Variants in UBR2 observed in about 807,000 individuals in gnomAD.
UBR2 encodes E3 ubiquitin-protein ligase UBR2.
A neutral mutation model predicts 247.9 loss-of-function variants in UBR2; 92 were observed. The observed-to-expected ratio is 0.37, with a 90% CI of 0.31 to 0.44. The LOEUF (loss-of-function observed/expected upper bound fraction) is 0.44. Among genes scored for constraint, UBR2 ranks in the 20% least tolerant of loss-of-function variants. UBR2 has a pLI of 1.00. For missense variants in UBR2, 1,613 were observed against 2,112.6 expected (o/e 0.76, Z 4.64); for synonymous variants, 672 against 693.5 (o/e 0.97, Z 0.49).
At chr6:42,630,996 A>G (rs931556307) in intron 11 of UBR2, among the ~76,000 whole-genome samples, 5 of 152,034 alleles carry the variant, frequency 3.3e-5, no homozygotes, top group Admixed American at 1.3e-4. Flanking sequence ...TTATAGAGAC[A>G]GGGTTTCACT....
chr6:42,614,195 A>T (rs868841634), intron 8 of UBR2, among the ~76,000 whole-genome samples: 37,734 of 86,048 alleles, frequency 0.44, 9,429 homozygotes, highest in South Asian at 0.52. Flanking sequence ...AAAAAAAAAA[A>T]AAAAAAAAAA....
In UBR2 at chr6:42,564,095, G is replaced by A. The variant is rs1253332251; in HGVS notation, c.-225G>A. 3 of 556,532 alleles carry A rather than the reference G, an allele frequency of 5.4e-6. No homozygotes were observed. The highest frequency in any genetic ancestry group is 9.4e-6 in the Non-Finnish European group (3 of 319,782). The allele number at this position is 556,532 out of a possible 1,614,324, so 34.5% of individuals were successfully genotyped here. On this transcript the variant is annotated 5_prime_UTR_variant, in exon 1 of 47. It adds an upstream start codon to the 5' untranslated region. Coordinates refer to ENST00000372901, the MANE Select transcript of UBR2 (RefSeq NM_001363705.2). ...CCTTCCCTGGGTCAGGGACGAGCCA[G>A]TGACTTGACTCTTGGGCGCTAAGCT...
chr6:42,678,425 A>G, intron 40 of UBR2, 114 bp from the exon 41 acceptor site: 3 of 1,207,436 alleles, frequency 2.5e-6, no homozygotes, highest in Non-Finnish European at 3.4e-6. Context: ...TTAACTCACA[A>G]CTTTTAAGCA....
intron 11 of UBR2, among the ~76,000 whole-genome samples, chr6:42,627,640 A>G (rs1795438262): frequency 6.6e-6 from 1 of 151,088 alleles, no homozygotes; most frequent in African/African-American, 2.4e-5. Context: ...TGGGACTACA[A>G]GTGTGCGCCA....
chr6:42,622,852 T>G (rs919704692), intron 11 of UBR2, among the ~76,000 whole-genome samples: 10 of 151,908 alleles, frequency 6.6e-5, no homozygotes, highest in Non-Finnish European at 1.5e-4. Flanking sequence ...TTTTTTTTTT[T>G]TTAAGATGGG....
At chr6:42,586,218 C>G (rs1249942193) in intron 2 of UBR2, among the ~76,000 whole-genome samples, 1 of 150,542 alleles carries the variant, frequency 6.6e-6, no homozygotes, top group Non-Finnish European at 1.5e-5. Flanking sequence ...AAAAAAAATA[C>G]AAAAATTAGC....
chr6:42,688,958 A>G (rs1048861539), intron 45 of UBR2, among the ~76,000 whole-genome samples: 1 of 152,260 alleles, frequency 6.6e-6, no homozygotes, highest in Non-Finnish European at 1.5e-5. Context: ...AATGGCAGCT[A>G]TGGAGCTAAA....
chr6:42,565,133 A>C (rs576099921), intron 1 of UBR2, among the ~76,000 whole-genome samples: 16 of 152,350 alleles, frequency 1.1e-4, no homozygotes, highest in Non-Finnish European at 8.8e-5. Context: ...TAAACGTGAG[A>C]ACTGGTCACA....
intron 21 of UBR2, among the ~76,000 whole-genome samples, chr6:42,647,353 G>A (rs1796827486): frequency 6.6e-6 from 1 of 151,186 alleles, no homozygotes; most frequent in Non-Finnish European, 1.5e-5. Flanking sequence ...AGACCAAGGT[G>A]GGCGGATCAG....
chr6:42,660,546 C>T (rs141014598), intron 30 of UBR2, among the ~76,000 whole-genome samples: 37 of 152,248 alleles, frequency 2.4e-4, no homozygotes, highest in Non-Finnish European at 5.1e-4. Context: ...ACTGCTTTAA[C>T]CAGTGCCTTT....
At chr6:42,578,748 GGTT>G (rs1791679530) in intron 2 of UBR2, among the ~76,000 whole-genome samples, 1 of 151,892 alleles carries the variant, frequency 6.6e-6, no homozygotes, top group Non-Finnish European at 1.5e-5. Context: ...CATGAAGAGG[GGTT>G]GTTCTTTCAG....
At chr6:42,603,953 A>G (rs1209888614) in intron 5 of UBR2, among the ~76,000 whole-genome samples, 2 of 152,112 alleles carry the variant, frequency 1.3e-5, no homozygotes, top group Admixed American at 1.3e-4. Context: ...TAGCTCTAGG[A>G]CTGGTTTCAG....
At chr6:42,658,880 C>A in intron 29 of UBR2, 56 bp downstream of exon 29, 1 of 1,471,650 alleles carries the variant, frequency 6.8e-7, no homozygotes, top group Non-Finnish European at 9.0e-7. Context: ...CAACTAGGGG[C>A]AGTGTTGCGT....
Position 42,645,549 on chromosome 6 carries a change from C to T in UBR2, c.2368C>T (p.Pro790Ser). 6.2e-7 allele frequency: 1 copy of T among 1,613,780 alleles called. No individual in the cohort carries two copies. The highest frequency in any genetic ancestry group is 8.5e-7 in the Non-Finnish European group (1 of 1,179,818). ...REIIHQLSIK[P>S]MAHSELVKSL... ...GATTATCCATCAGTTGAGTATCAAGCCTATGGCTCATAGTGAATTGGTAAA... is the reference window on the plus strand; with the variant it reads ...GATTATCCATCAGTTGAGTATCAAGTCTATGGCTCATAGTGAATTGGTAAA... The change falls in exon 21 of 47, where the codon CCT (proline) becomes TCT (serine). Residue 790 changes from proline (P) to serine (S), a missense_variant. Pro to Ser is a moderately conservative substitution (Grantham distance 74, BLOSUM62 -1). Around this residue, in one of 3 missense-constraint regions of UBR2, gnomAD observed 1,524 missense variants for 1,967.3 expected, o/e 0.77. Transcript: ENST00000372901.
Position 42,652,070 on chromosome 6 carries a change from A to G in UBR2, c.2613A>G (p.Thr871=), listed in dbSNP as rs772508330. 11 of 1,582,316 alleles carry G rather than the reference A, an allele frequency of 7.0e-6. No individual in the cohort carries two copies. Among genetic ancestry groups the G allele is most frequent in the Non-Finnish European group, 9.4e-6 (11 of 1,169,004 alleles). The part of the protein sequence containing the change: ...RKLKRQNRED[T]ALPPPVLPPF... Reference sequence around the variant, plus strand: ...TGAAAAGACAAAATAGAGAAGATACAGGTATTTTTAATCTTTCTGAAAATG... The same window carrying G: ...TGAAAAGACAAAATAGAGAAGATACGGGTATTTTTAATCTTTCTGAAAATG... Residue 871 remains threonine (T), a splice_region_variant and synonymous_variant, in exon 24 of 47, where the codon ACA becomes ACG. Transcript: ENST00000372901.
chr6:42,566,288 G>T (rs562966862), intron 1 of UBR2, among the ~76,000 whole-genome samples: 1 of 152,238 alleles, frequency 6.6e-6, no homozygotes, highest in South Asian at 2.1e-4. Context: ...AGCAGATGCA[G>T]TAAGGAAAAA....
rs1794631859 is a variant in UBR2, at chr6:42,617,435, T to C, written c.1209T>C (p.Tyr403=). ...ACTATGAGCGTTTGCAGAGTGATTATGTGACAGATGACCACGACAGAGAGT... is the reference window on the plus strand; with the variant it reads ...ACTATGAGCGTTTGCAGAGTGATTACGTGACAGATGACCACGACAGAGAGT... The part of the protein sequence containing the change: ...AKNYERLQSD[Y]VTDDHDREFS... The change falls in exon 11 of 47, where the codon TAT becomes TAC. Residue 403 remains tyrosine (Y), a synonymous_variant. Coordinates refer to ENST00000372901, the MANE Select transcript of UBR2 (RefSeq NM_001363705.2). The C allele has an allele frequency of 6.3e-7, 1 of 1,581,526 alleles. No individual in the cohort carries two copies. Among genetic ancestry groups the C allele is most frequent in the Non-Finnish European group, 8.6e-7 (1 of 1,162,958 alleles).
At chr6:42,677,469 A>G (rs1050051446) in intron 40 of UBR2, among the ~76,000 whole-genome samples, 2 of 152,192 alleles carry the variant, frequency 1.3e-5, no homozygotes, top group South Asian at 2.1e-4. Flanking sequence ...GAAAAAAAAC[A>G]TATAGGCATA....
Position 42,592,164 on chromosome 6 carries a change from G to T in UBR2, c.352G>T (p.Asp118Tyr). ...PTYSCRDCAV[D>Y]PTCVLCMECF... is the part of the protein sequence containing the mutation. Reference sequence around the variant, plus strand: ...TTAACTTTACAGAGACTGTGCAGTTGATCCAACTTGTGTTTTGTGCATGGA... The same window carrying T: ...TTAACTTTACAGAGACTGTGCAGTTTATCCAACTTGTGTTTTGTGCATGGA... The change falls in exon 3 of 47, where the codon GAT (aspartate) becomes TAT (tyrosine). Residue 118 changes from aspartate to tyrosine, a missense_variant. Transcript: ENST00000372901. 6.2e-7 allele frequency: 1 copy of T among 1,603,444 alleles called. No homozygotes were observed. The highest frequency in any genetic ancestry group is 1.1e-5 in the South Asian group (1 of 88,920).
Sources: allele counts gnomAD v4.1 joint callset (sites outside exome capture counted in the v4.1 genomes callset), GRCh38; gene constraint gnomAD v4.1.1; regional missense constraint gnomAD v4.1.1; transcripts MANE v1.5; gene names NCBI Gene and HGNC (gene_info 2026-07-23, HGNC 2026-07-21).